Variants in GRM5 observed in about 807,000 individuals in gnomAD.
The protein encoded by GRM5 is glutamate metabotropic receptor 5, also known as metabotropic glutamate receptor 5.
A neutral mutation model predicts 83.1 loss-of-function variants in GRM5; 19 were observed. The observed-to-expected ratio is 0.23, with a 90% CI of 0.16 to 0.34. The LOEUF (loss-of-function observed/expected upper bound fraction) is 0.34. Among genes scored for constraint, GRM5 ranks in the 10% least tolerant of loss-of-function variants. GRM5 has a pLI of 1.00. For synonymous variants in GRM5, 675 were observed against 633.6 expected (o/e 1.07, Z -0.98); for missense variants, 1,160 against 1,588.3 (o/e 0.73, Z 4.58).
At chr11:88,629,160 T>C (rs1938888932) in intron 4 of GRM5, among the ~76,000 whole-genome samples, 1 of 152,196 alleles carries the variant, frequency 6.6e-6, no homozygotes, top group Admixed American at 6.5e-5. Flanking sequence ...GTTATTATTC[T>C]GGAAGAAGGA....
chr11:89,063,276 C>G (rs1942033401), intron 1 of GRM5, among the ~76,000 whole-genome samples: 5 of 152,182 alleles, frequency 3.3e-5, no homozygotes, highest in African/African-American at 9.7e-5. Flanking sequence ...TCCTTCACCC[C>G]ATTGCTCGCG....
intron 2 of GRM5, among the ~76,000 whole-genome samples, chr11:88,985,236 T>C (rs1257499064): frequency 6.6e-6 from 1 of 152,146 alleles, no homozygotes; most frequent in Non-Finnish European, 1.5e-5. Flanking sequence ...CTCATGCTCC[T>C]ACATATATAA....
At chr11:88,663,199 C>T (rs1229967000) in intron 3 of GRM5, among the ~76,000 whole-genome samples, 4 of 152,178 alleles carry the variant, frequency 2.6e-5, no homozygotes, top group East Asian at 3.9e-4. Flanking sequence ...CTTACAAAGA[C>T]GTGGGGATTA....
intron 2 of GRM5, among the ~76,000 whole-genome samples, chr11:89,023,534 C>T (rs947382752): frequency 3.3e-5 from 5 of 151,990 alleles, no homozygotes; most frequent in African/African-American, 7.3e-5. Flanking sequence ...TAGTATTTTA[C>T]CTTACAGTGG....
At position 88,567,571 on chromosome 11, in the gene GRM5, C is replaced by T. The variant is rs77175880; in HGVS notation, c.2112G>A (p.Gln704=). 6.2e-7 allele frequency: 1 copy of T among 1,614,112 alleles called. No individual in the cohort carries two copies. The highest frequency in any genetic ancestry group is 8.5e-7 in the Non-Finnish European group (1 of 1,179,952). ...LVIAFILICI[Q]LGIIVALFIM... The stretch of plus-strand genomic sequence containing the variant: ...TAAAGAGGGCAACGATGATGCCCAA[C>T]TGGATGCATATGAGAATGAAAGCAA... Residue 704 remains glutamine (Q), a synonymous_variant, in exon 8 of 10, where the codon CAG becomes CAA. Transcript: ENST00000305447. This position sits in a 1 kb window ranked among gnomAD's most constrained non-coding sequence, Gnocchi z 7.3.
At chr11:88,690,403 A>G (rs1238481480) in intron 3 of GRM5, among the ~76,000 whole-genome samples, 8 of 152,202 alleles carry the variant, frequency 5.3e-5, no homozygotes, top group Admixed American at 2.0e-4. Flanking sequence ...CAAAAAGGTA[A>G]TATCATGAAA....
chr11:88,827,771 G>T (rs2068211454), intron 3 of GRM5, among the ~76,000 whole-genome samples: 2 of 152,142 alleles, frequency 1.3e-5, no homozygotes, highest in Non-Finnish European at 2.9e-5. Context: ...TAGTGACATA[G>T]GATAGAGCAG....
At chr11:88,986,994 C>T (rs563147517) in intron 2 of GRM5, among the ~76,000 whole-genome samples, 3 of 151,428 alleles carry the variant, frequency 2.0e-5, no homozygotes, top group South Asian at 2.1e-4. Context: ...ATCATCCTAT[C>T]GGGGGAAGGA....
chr11:88,885,527 T>C (rs607229), intron 2 of GRM5, among the ~76,000 whole-genome samples: 83,732 of 135,326 alleles, frequency 0.62, 25,774 homozygotes, highest in Admixed American at 0.74. Flanking sequence ...TAGGGGACTT[T>C]AGAAAGGTAT....
intron 4 of GRM5, among the ~76,000 whole-genome samples, chr11:88,631,312 T>C (rs1938963779): frequency 6.6e-6 from 1 of 152,218 alleles, no homozygotes; most frequent in African/African-American, 2.4e-5. Flanking sequence ...TTTTTTGTTT[T>C]TATATTAAAT....
At chr11:88,922,437 G>T (rs1030982392) in intron 2 of GRM5, among the ~76,000 whole-genome samples, 5 of 152,054 alleles carry the variant, frequency 3.3e-5, no homozygotes, top group African/African-American at 1.2e-4. Context: ...TATCAACAGT[G>T]AACTCATTTT....
intron 2 of GRM5, among the ~76,000 whole-genome samples, chr11:88,888,307 C>G (rs1476812069): frequency 1.3e-5 from 2 of 152,138 alleles, no homozygotes; most frequent in African/African-American, 2.4e-5. Flanking sequence ...GACAGCTCTG[C>G]AAGCAGCAGA....
At chr11:88,614,603 AG>A (rs1354945942) in intron 4 of GRM5, among the ~76,000 whole-genome samples, 1 of 152,198 alleles carries the variant, frequency 6.6e-6, no homozygotes, top group Non-Finnish European at 1.5e-5. Context: ...ATTAAATCAC[AG>A]TGTGTAGGGC....
chr11:88,721,279 T>C (rs1336510874), intron 3 of GRM5, among the ~76,000 whole-genome samples: 1 of 152,114 alleles, frequency 6.6e-6, no homozygotes, highest in African/African-American at 2.4e-5. Flanking sequence ...TCAATCTTTT[T>C]TGGTGGGAGT....
chr11:88,839,618 A>G (rs1214598137), intron 3 of GRM5, among the ~76,000 whole-genome samples: 1 of 152,194 alleles, frequency 6.6e-6, no homozygotes, highest in Non-Finnish European at 1.5e-5. Flanking sequence ...TATAAATTAC[A>G]TCTTTGGAGA....
chr11:88,526,026 C>A lies in GRM5; in HGVS notation c.2631-622G>T, dbSNP rs1591323917. On this transcript the variant is annotated intron_variant, in intron 8 of 9. Transcript: ENST00000305447. ...TAAGCTAATTATTATCTTGAGCAAGCCCTCATTGAGTGATACCATTCTGGA... is the reference window on the plus strand; with the variant it reads ...TAAGCTAATTATTATCTTGAGCAAGACCTCATTGAGTGATACCATTCTGGA... Among the ~76,000 whole-genome samples, 4 of 152,260 alleles carry A rather than the reference C, an allele frequency of 2.6e-5. 1 individual carries two copies. Among genetic ancestry groups the A allele is most frequent in the Admixed American group, 2.6e-4 (4 of 15,294 alleles).
intron 2 of GRM5, among the ~76,000 whole-genome samples, chr11:88,938,238 T>C (rs1193505467): frequency 6.6e-6 from 1 of 151,760 alleles, no homozygotes; most frequent in African/African-American, 2.4e-5. Context: ...TAATGAGAAG[T>C]GTGCTGGATA....
intron 2 of GRM5, among the ~76,000 whole-genome samples, chr11:88,866,511 C>G (rs1310165947): frequency 6.6e-6 from 1 of 151,762 alleles, no homozygotes; most frequent in Non-Finnish European, 1.5e-5. Flanking sequence ...TGTAACAAAC[C>G]TGCACATTCT....
chr11:88,896,881 T>C lies in GRM5; in HGVS notation c.662-46726A>G, dbSNP rs531965526. ...CTCAGAGATATAACCAAAAACAATA[T>C]TCAGCCAAATGTCTGAGCACCCTGC... On this transcript the variant is annotated intron_variant, in intron 2 of 9. Coordinates refer to ENST00000305447, the MANE Select transcript of GRM5 (RefSeq NM_001143831.3). Among the ~76,000 whole-genome samples the C allele has an allele frequency of 2.0e-5, 3 of 151,978 alleles. No individual in the cohort carries two copies. The South Asian group carries it at 6.2e-4, about 32-fold the overall frequency.
Sources: allele counts gnomAD v4.1 joint callset (sites outside exome capture counted in the v4.1 genomes callset), GRCh38; gene constraint gnomAD v4.1.1; non-coding constraint Gnocchi (gnomAD v3.1); transcripts MANE v1.5; gene names NCBI Gene and HGNC (gene_info 2026-07-23, HGNC 2026-07-21).